The following CEP128 variants were observed in gnomAD, a reference collection of about 807,000 sequenced individuals.
The protein encoded by CEP128 is centrosomal protein 128.
Under a neutral mutation model 156.7 loss-of-function variants are expected in CEP128, and 132 were observed. The observed-to-expected ratio is 0.84, with a 90% CI of 0.73 to 0.97. The LOEUF is 0.97. Ranked by LOEUF, CEP128 falls within the 50% of genes least tolerant of loss-of-function variation. The pLI, the probability that CEP128 is intolerant of heterozygous loss-of-function variation, is 0.00. For missense variants in CEP128, 1,252 were observed against 1,281.9 expected, an observed-to-expected ratio of 0.98 and a Z score of 0.36; for synonymous variants, 469 against 448.9, an observed-to-expected ratio of 1.04 and a Z score of -0.57.
At chr14:80,774,300 C>T (rs1051207895) in intron 16 of CEP128, among the ~76,000 whole-genome samples, 1 of 152,122 alleles carries the variant, frequency 6.6e-6, no homozygotes, top group South Asian at 2.1e-4. Flanking sequence ...AAAAAAAAGG[C>T]TGTGTGTATT....
At chr14:80,644,116 A>G (rs1054140443) in intron 19 of CEP128, among the ~76,000 whole-genome samples, 27 of 152,204 alleles carry the variant, frequency 1.8e-4, no homozygotes, top group African/African-American at 6.3e-4. Context: ...AAAGATTGCC[A>G]GCCACCACCA....
intron 2 of CEP128, among the ~76,000 whole-genome samples, chr14:80,949,946 C>T (rs1457609956): frequency 6.6e-6 from 1 of 151,898 alleles, no homozygotes; most frequent in Non-Finnish European, 1.5e-5. Flanking sequence ...AGTTTTGTTC[C>T]CCAAAAAGAT....
intron 20 of CEP128, among the ~76,000 whole-genome samples, chr14:80,576,570 C>A (rs376059356): frequency 6.6e-6 from 1 of 152,196 alleles, no homozygotes; most frequent in South Asian, 2.1e-4. Flanking sequence ...CTCCACCCCC[C>A]CTGCCGTTTT....
intron 13 of CEP128, chr14:80,822,494 C>T (rs531541118): frequency 4.6e-5 from 28 of 602,838 alleles, no homozygotes; most frequent in Admixed American, 1.2e-4. Flanking sequence ...CACTGCATCC[C>T]GCGTCCACCA....
chr14:80,604,383 T>C (rs1238970991), intron 19 of CEP128, among the ~76,000 whole-genome samples: 2 of 152,108 alleles, frequency 1.3e-5, no homozygotes, highest in South Asian at 2.1e-4. Context: ...GATATGGGAA[T>C]AGAGGAGAAG....
intron 19 of CEP128, among the ~76,000 whole-genome samples, chr14:80,665,776 G>A (rs1895588416): frequency 6.6e-6 from 1 of 151,860 alleles, no homozygotes; most frequent in African/African-American, 2.4e-5. Context: ...AGATGGCTAA[G>A]AAAATGCACA....
chr14:80,677,096 A>AT lies in CEP128; in HGVS notation c.2806+65978dup, dbSNP rs530068111. ...CAGTAGATCTATCATCCCATGATGT[A>AT]TAAAAAGTTTACTTCAATATTTCTT... On this transcript the variant is annotated intron_variant, in intron 19 of 24. Transcript: ENST00000555265. Among the ~76,000 whole-genome samples the AT allele has an allele frequency of 5.3e-5, 8 of 152,342 alleles. No individual in the cohort carries two copies. The East Asian group carries it at 1.5e-3, about 29-fold the overall frequency.
chr14:80,644,980 GCA>G (rs1314418220), intron 19 of CEP128, among the ~76,000 whole-genome samples: 1 of 152,028 alleles, frequency 6.6e-6, no homozygotes, highest in African/African-American at 2.4e-5. Flanking sequence ...GAGAAAAATA[GCA>G]CAGTTTTGAG....
intron 19 of CEP128, among the ~76,000 whole-genome samples, chr14:80,705,332 C>T (rs753497378): frequency 3.3e-5 from 5 of 151,738 alleles, no homozygotes; most frequent in Non-Finnish European, 5.9e-5. Flanking sequence ...GGAAAACAGA[C>T]CTTTGTCATG....
At chr14:80,833,175 A>G (rs376479547) in intron 12 of CEP128, among the ~76,000 whole-genome samples, 3 of 151,986 alleles carry the variant, frequency 2.0e-5, no homozygotes, top group South Asian at 2.1e-4. Flanking sequence ...ATTTTATTTT[A>G]TATGTGTATA....
intron 19 of CEP128, among the ~76,000 whole-genome samples, chr14:80,716,335 C>T (rs1328930335): frequency 6.6e-6 from 1 of 152,040 alleles, no homozygotes. Flanking sequence ...GTTGTTACCC[C>T]AAAAAGAAAT....
At chr14:80,915,994 G>A (rs1391110907) in intron 3 of CEP128, among the ~76,000 whole-genome samples, 2 of 152,172 alleles carry the variant, frequency 1.3e-5, no homozygotes, top group Non-Finnish European at 2.9e-5. Flanking sequence ...TTATTGGGTG[G>A]ACCCAATGAA....
intron 13 of CEP128, among the ~76,000 whole-genome samples, chr14:80,827,694 G>T (rs977279640): frequency 6.6e-6 from 1 of 152,086 alleles, no homozygotes; most frequent in East Asian, 1.9e-4. Flanking sequence ...AACCCTTAAG[G>T]CATCATTATT....
intron 19 of CEP128, among the ~76,000 whole-genome samples, chr14:80,717,806 T>C (rs1897663124): frequency 6.6e-6 from 1 of 152,108 alleles, no homozygotes; most frequent in African/African-American, 2.4e-5. Context: ...CTACTAATCC[T>C]ATTTTTCTTT....
At chr14:80,556,689 G>C (rs1038762011) in intron 21 of CEP128, among the ~76,000 whole-genome samples, 1 of 152,116 alleles carries the variant, frequency 6.6e-6, no homozygotes, top group Non-Finnish European at 1.5e-5. Context: ...CTAATGGAAT[G>C]GTGAAATTTC....
chr14:80,665,004 G>C (rs1475673100), intron 19 of CEP128, among the ~76,000 whole-genome samples: 3 of 152,158 alleles, frequency 2.0e-5, no homozygotes, highest in Non-Finnish European at 4.4e-5. Flanking sequence ...ACAAATGCTT[G>C]AGTTGACTCC....
At chr14:80,632,547 C>T (rs1894004767) in intron 19 of CEP128, among the ~76,000 whole-genome samples, 1 of 148,968 alleles carries the variant, frequency 6.7e-6, no homozygotes, top group Non-Finnish European at 1.5e-5. Context: ...GTCCATCATA[C>T]TATATATAAT....
chr14:80,859,568 TTA>T (rs199884659), intron 9 of CEP128, among the ~76,000 whole-genome samples: 2,176 of 151,776 alleles, frequency 0.014, 57 homozygotes, highest in African/African-American at 0.049. Flanking sequence ...TAATTAATTT[TTA>T]AAAAAAAGAA....
chr14:80,487,571 A>ACATTCTTTTCAGCAC (rs1388170966), downstream of CEP128, among the ~76,000 whole-genome samples: 1 of 152,188 alleles, frequency 6.6e-6, no homozygotes, highest in Non-Finnish European at 1.5e-5. Context: ...AACAGAATAT[A>ACATTCTTTTCAGCAC]CATTCTTTTC....
Sources: gnomAD v4.1 joint callset for allele counts (sites outside exome capture counted in the v4.1 genomes callset) on GRCh38, gnomAD v4.1.1 for gene constraint, MANE v1.5 for transcripts, NCBI Gene and HGNC (gene_info 2026-07-23, HGNC 2026-07-21) for gene names.